The following TLK1 variants were observed in gnomAD, a reference collection of about 807,000 sequenced individuals.
The protein encoded by TLK1 is serine/threonine-protein kinase tousled-like 1.
TLK1 carries 24 observed loss-of-function variants against 105.3 expected under a neutral mutation model. The observed-to-expected ratio is 0.23, with a 90% CI of 0.17 to 0.32. TLK1 has a LOEUF of 0.32. Ranked by LOEUF, TLK1 falls within the 10% of genes least tolerant of loss-of-function variation. The pLI, the probability that TLK1 is intolerant of heterozygous loss-of-function variation, is 1.00. For synonymous variants in TLK1, 321 were observed against 310.4 expected, an observed-to-expected ratio of 1.03 and a Z score of -0.36; for missense variants, 558 against 910.5, an observed-to-expected ratio of 0.61 and a Z score of 4.98.
At chr2:171,176,840 A>ATT in intron 1 of TLK1, among the ~76,000 whole-genome samples, 1 of 144,096 alleles carries the variant, frequency 6.9e-6, no homozygotes, top group African/African-American at 2.5e-5. Flanking sequence ...TTTTTTTTTA[A>ATT]TTTTTTTTTT....
At chr2:171,082,554 T>C (rs1396128089) in intron 3 of TLK1, among the ~76,000 whole-genome samples, 1 of 152,244 alleles carries the variant, frequency 6.6e-6, no homozygotes, top group Non-Finnish European at 1.5e-5. Context: ...ATATCATTCA[T>C]TTACAAGTTC....
chr2:171,112,036 C>T (rs1039783164), intron 2 of TLK1, among the ~76,000 whole-genome samples: 24 of 152,198 alleles, frequency 1.6e-4, no homozygotes, highest in African/African-American at 4.8e-4. Context: ...ACTGCAACCT[C>T]CGCCTGCCGA....
chr2:171,011,036 GCT>G (rs1379490250), intron 14 of TLK1, among the ~76,000 whole-genome samples: 1 of 152,128 alleles, frequency 6.6e-6, no homozygotes, highest in Non-Finnish European at 1.5e-5. Flanking sequence ...ACAGGGTCTT[GCT>G]CTGTCACCCA....
intron 11 of TLK1, among the ~76,000 whole-genome samples, chr2:171,043,772 G>T (rs762778033): frequency 5.3e-5 from 8 of 151,920 alleles, no homozygotes; most frequent in Non-Finnish European, 8.8e-5. Context: ...TAGAGACAAG[G>T]TCTCACTATG....
rs148044537 is a variant in TLK1, at chr2:171,211,349, C to T, written c.-6+19796G>A. Among the ~76,000 whole-genome samples, 387 of 152,312 alleles carry T rather than the reference C, an allele frequency of 2.5e-3. 1 individual carries two copies. The highest frequency in any genetic ancestry group is 8.5e-3 in the African/African-American group (352 of 41,568). On this transcript the variant is annotated intron_variant, in intron 1 of 20. Transcript: ENST00000521943. ...ACGAATTATATCAAACCGTTTGTCA[C>T]GGTAAGTTCACTTCCTCTTTCTTTT...
At chr2:171,219,113 C>A (rs991492760) in intron 1 of TLK1, among the ~76,000 whole-genome samples, 1 of 152,138 alleles carries the variant, frequency 6.6e-6, no homozygotes, top group African/African-American at 2.4e-5. Context: ...AATAAACAGT[C>A]TCCAATTATT....
intron 1 of TLK1, among the ~76,000 whole-genome samples, chr2:171,147,945 C>A (rs1036331194): frequency 3.3e-5 from 5 of 151,246 alleles, no homozygotes; most frequent in African/African-American, 1.2e-4. Context: ...GGCTGGAGTG[C>A]AATGGTGCAA....
intron 1 of TLK1, among the ~76,000 whole-genome samples, chr2:171,181,392 G>T (rs952120043): frequency 6.6e-6 from 1 of 152,156 alleles, no homozygotes; most frequent in Admixed American, 6.6e-5. Flanking sequence ...ACATCCTAAA[G>T]CTTCCCTTCT....
chr2:171,066,735 T>A (rs1207202210), intron 3 of TLK1: 1 of 1,171,666 alleles, frequency 8.5e-7, no homozygotes, highest in African/African-American at 1.6e-5. Context: ...CGTAGTCTAT[T>A]TCCTGGCACT....
intron 1 of TLK1, among the ~76,000 whole-genome samples, chr2:171,212,267 C>T (rs1453361466): frequency 7.8e-6 from 1 of 127,546 alleles, no homozygotes. Context: ...GGCTCCCCTG[C>T]CCCCACCCTC....
At position 171,061,121 on chromosome 2, in the gene TLK1, T is replaced by C. The variant is rs756433203; in HGVS notation, c.366A>G (p.Gly122=). 6.2e-7 allele frequency: 1 copy of C among 1,613,586 alleles called. No homozygotes were observed. Among genetic ancestry groups the C allele is most frequent in the East Asian group, 2.2e-5 (1 of 44,756 alleles). ...PEKKQSESSR[G]RKRKAENQNE... The stretch of plus-strand genomic sequence containing the variant: ...TCTGGTTTTCTGCTTTTCTCTTTCT[T>C]CCCCTGGATGATTCCGATTGTTTCT... The change falls in exon 4 of 21, where the codon GGA becomes GGG. Residue 122 remains glycine (G), a synonymous_variant. Coordinates refer to ENST00000431350, the MANE Select transcript of TLK1 (RefSeq NM_012290.5).
At chr2:171,152,095 A>C (rs1692065104) in intron 1 of TLK1, among the ~76,000 whole-genome samples, 2 of 152,216 alleles carry the variant, frequency 1.3e-5, no homozygotes, top group Non-Finnish European at 2.9e-5. Flanking sequence ...ATGAAGTCAC[A>C]CAACTTATCA....
intron 2 of TLK1, among the ~76,000 whole-genome samples, chr2:171,088,046 C>T (rs1400122748): frequency 6.6e-6 from 1 of 152,136 alleles, no homozygotes; most frequent in Non-Finnish European, 1.5e-5. Flanking sequence ...AAAACCCATC[C>T]ATGGCTGGGT....
At chr2:171,118,373 T>C (rs1487580365) in intron 1 of TLK1, among the ~76,000 whole-genome samples, 3 of 152,216 alleles carry the variant, frequency 2.0e-5, no homozygotes, top group Admixed American at 2.0e-4. Context: ...TACCACTTAA[T>C]TATTTTGTTT....
At chr2:171,025,899 T>C (rs1017179635) in intron 12 of TLK1, among the ~76,000 whole-genome samples, 2 of 152,196 alleles carry the variant, frequency 1.3e-5, no homozygotes, top group African/African-American at 4.8e-5. Context: ...CTTAATTTTG[T>C]TCCCTGTATG....
rs534945662 is a variant in TLK1, at chr2:171,000,151, G to A, written c.1905-2328C>T. Among the ~76,000 whole-genome samples the A allele has an allele frequency of 4.6e-5, 7 of 152,206 alleles. No homozygotes were observed. In the South Asian group the frequency reaches 1.5e-3, roughly 32 times the overall value. ...CCAGCACTTTGGGAGGCCGAGACGG[G>A]TAGAACAGGAGGTCGGCAGTTTGAG... is the stretch of plus-strand genomic sequence containing the variant. On this transcript the variant is annotated intron_variant, in intron 18 of 20. Coordinates refer to ENST00000431350, the MANE Select transcript of TLK1 (RefSeq NM_012290.5).
At chr2:171,003,091 G>A (rs1684465333) in intron 18 of TLK1, among the ~76,000 whole-genome samples, 1 of 151,672 alleles carries the variant, frequency 6.6e-6, no homozygotes, top group African/African-American at 2.4e-5. Flanking sequence ...TGGCTAACAC[G>A]GTGAAACCCC....
At chr2:171,177,141 CTT>C (rs1205313018) in intron 1 of TLK1, among the ~76,000 whole-genome samples, 2 of 146,228 alleles carry the variant, frequency 1.4e-5, no homozygotes, top group African/African-American at 5.1e-5. Context: ...CTCCTCTTTT[CTT>C]TTTTCTTTTC....
intron 1 of TLK1, among the ~76,000 whole-genome samples, chr2:171,223,035 G>A (rs1004875111): frequency 2.6e-5 from 4 of 151,972 alleles, no homozygotes; most frequent in African/African-American, 7.3e-5. Context: ...GGCTCATTTC[G>A]AACTCCTGAC....
Sources: allele counts gnomAD v4.1 joint callset (sites outside exome capture counted in the v4.1 genomes callset), GRCh38; gene constraint gnomAD v4.1.1; transcripts MANE v1.5; gene names NCBI Gene and HGNC (gene_info 2026-07-23, HGNC 2026-07-21).